Variants in RBFOX1 observed in about 807,000 individuals in gnomAD.
RBFOX1 encodes the protein RNA binding protein fox-1 homolog 1.
In RBFOX1, 8 loss-of-function variants were observed where a neutral mutation model predicts 57.7. The ratio of observed to expected loss-of-function variants is 0.14; its 90% confidence interval spans 0.08 to 0.25. The LOEUF (loss-of-function observed/expected upper bound fraction) is 0.25. Ranked by LOEUF, RBFOX1 falls within the 10% of genes least tolerant of loss-of-function variation. The pLI is 1.00. For missense variants in RBFOX1, 611 were observed against 548.5 expected (o/e 1.11, Z -1.14); for synonymous variants, 326 against 222.4 (o/e 1.47, Z -4.15).
intron 2 of RBFOX1, among the ~76,000 whole-genome samples, chr16:6,488,053 C>T (rs1444358622): frequency 1.3e-5 from 2 of 152,122 alleles, no homozygotes; most frequent in Non-Finnish European, 2.9e-5. Context: ...TCCACGCTTT[C>T]AATCCAATAC....
chr16:7,440,311 A>T (rs1186336515), intron 4 of RBFOX1, among the ~76,000 whole-genome samples: 1 of 152,196 alleles, frequency 6.6e-6, no homozygotes, highest in Non-Finnish European at 1.5e-5. Context: ...CCAGGTAGGT[A>T]TGTGAACTAA....
chr16:7,661,433 C>A (rs2067696528), intron 12 of RBFOX1, among the ~76,000 whole-genome samples: 1 of 152,168 alleles, frequency 6.6e-6, no homozygotes, highest in African/African-American at 2.4e-5. Flanking sequence ...CCTCACCCCA[C>A]CACCCTTTGC....
At chr16:7,522,010 G>A (rs923765114) in intron 5 of RBFOX1, among the ~76,000 whole-genome samples, 4 of 152,144 alleles carry the variant, frequency 2.6e-5, no homozygotes, top group African/African-American at 9.7e-5. Context: ...CCTCTCGTGG[G>A]AATCAATCTC....
At chr16:7,641,827 C>G (rs2062853146) in intron 11 of RBFOX1, among the ~76,000 whole-genome samples, 1 of 152,194 alleles carries the variant, frequency 6.6e-6, no homozygotes, top group Non-Finnish European at 1.5e-5. Context: ...ATAGCCATGA[C>G]TACCTACCTA....
chr16:7,108,771 A>C (rs535680607), intron 4 of RBFOX1, among the ~76,000 whole-genome samples: 1 of 152,326 alleles, frequency 6.6e-6, no homozygotes, highest in African/African-American at 2.4e-5. Flanking sequence ...CCCTGTGCTC[A>C]AAGATGCATG....
chr16:7,429,681 C>A (rs149617235), intron 4 of RBFOX1, among the ~76,000 whole-genome samples: 1 of 152,240 alleles, frequency 6.6e-6, no homozygotes. Flanking sequence ...TGGGACATGG[C>A]AAAGGTAGAT....
At chr16:7,106,836 G>C (rs2063673192) in intron 4 of RBFOX1, among the ~76,000 whole-genome samples, 1 of 151,808 alleles carries the variant, frequency 6.6e-6, no homozygotes, top group Admixed American at 6.6e-5. Flanking sequence ...AGATACACAA[G>C]CAAACAAAAT....
chr16:6,347,250 G>A (rs2085524799), intron 2 of RBFOX1, among the ~76,000 whole-genome samples: 1 of 152,170 alleles, frequency 6.6e-6, no homozygotes, highest in Non-Finnish European at 1.5e-5. Context: ...GGAAGTCATG[G>A]TAATGTAGAC....
At chr16:6,955,855 GC>G (rs1458363305) in intron 3 of RBFOX1, among the ~76,000 whole-genome samples, 1 of 151,956 alleles carries the variant, frequency 6.6e-6, no homozygotes, top group Non-Finnish European at 1.5e-5. Flanking sequence ...ATAGATGCAT[GC>G]CACCATGCTC....
intron 1 of RBFOX1, among the ~76,000 whole-genome samples, chr16:5,282,603 AG>A (rs34685163): frequency 0.32 from 48,850 of 152,060 alleles, 7,867 homozygotes; most frequent in Non-Finnish European, 0.33. Flanking sequence ...ATTATGTTTT[AG>A]CAAAGAGACT....
intron 3 of RBFOX1, chr16:6,704,465 C>T (rs913271597): frequency 6.6e-6 from 1 of 152,316 alleles, no homozygotes; most frequent in Admixed American, 6.5e-5. Flanking sequence ...GGACTTTCCT[C>T]TTCACAGCAG....
rs538386034 is a variant in RBFOX1 at position 5,534,736 on chromosome 16, C to G, written c.259-64166C>G. On this transcript the variant is annotated intron_variant, in intron 2 of 2. Coordinates refer to the RBFOX1 transcript ENST00000585867. Reference sequence around the variant, plus strand: ...TTAACCTTCCCTGGGAACACCTTCACAGACACACCCAGAAACAATACTTCA... The same window carrying G: ...TTAACCTTCCCTGGGAACACCTTCAGAGACACACCCAGAAACAATACTTCA... Among the ~76,000 whole-genome samples, 3 of 152,280 alleles carry G rather than the reference C, an allele frequency of 2.0e-5. No homozygotes were observed. The South Asian group carries it at 6.2e-4, about 32-fold the overall frequency.
intron 1 of RBFOX1, among the ~76,000 whole-genome samples, chr16:5,435,959 T>C (rs900849260): frequency 6.6e-6 from 1 of 152,210 alleles, no homozygotes; most frequent in African/African-American, 2.4e-5. Context: ...CCTTAGGAAT[T>C]TGAAGTCTTT....
chr16:5,695,663 A>C (rs977928788), intron 3 of RBFOX1, among the ~76,000 whole-genome samples: 1 of 152,226 alleles, frequency 6.6e-6, no homozygotes, highest in East Asian at 1.9e-4. Flanking sequence ...TTGGCTGAAA[A>C]GAAAAGAAAT....
Position 7,122,080 on chromosome 16 carries a change from G to A in RBFOX1, c.27+69982G>A, listed in dbSNP as rs368546813. 4.6e-5 allele frequency among the ~76,000 whole-genome samples: 7 copies of A among 152,072 alleles called. No homozygotes were observed. In the East Asian group the frequency reaches 5.8e-4, roughly 13 times the overall value. Reference sequence around the variant, plus strand: ...AAGAACACATGGGTAAAATATTCACGTCCAAAGGAGTTAAAATAAGAATTT... The same window carrying A: ...AAGAACACATGGGTAAAATATTCACATCCAAAGGAGTTAAAATAAGAATTT... On this transcript the variant is annotated intron_variant, in intron 4 of 15. Coordinates refer to ENST00000550418, the MANE Select transcript of RBFOX1 (RefSeq NM_018723.4).
chr16:6,934,513 G>A (rs1379201023), intron 3 of RBFOX1, among the ~76,000 whole-genome samples: 1 of 152,090 alleles, frequency 6.6e-6, no homozygotes. Flanking sequence ...AGAACATGTG[G>A]TATATGTATG....
chr16:7,516,243 A>G (rs2076327698), intron 4 of RBFOX1, among the ~76,000 whole-genome samples: 2 of 152,146 alleles, frequency 1.3e-5, no homozygotes, highest in South Asian at 2.1e-4. Flanking sequence ...GCAAAATCCC[A>G]GGGTGACTGG....
intron 2 of RBFOX1, among the ~76,000 whole-genome samples, chr16:6,595,571 T>C (rs958471931): frequency 1.3e-5 from 2 of 152,206 alleles, no homozygotes; most frequent in South Asian, 4.1e-4. Context: ...CTTGGATATA[T>C]ACCTACAAGT....
chr16:5,729,691 T>C (rs986896876), intron 3 of RBFOX1, among the ~76,000 whole-genome samples: 3 of 152,158 alleles, frequency 2.0e-5, no homozygotes, highest in African/African-American at 7.2e-5. Context: ...GGTATTTGGG[T>C]AGGGCTGTCG....
Sources: gnomAD v4.1 joint callset for allele counts (sites outside exome capture counted in the v4.1 genomes callset) on GRCh38, gnomAD v4.1.1 for gene constraint, MANE v1.5 for transcripts, NCBI Gene and HGNC (gene_info 2026-07-23, HGNC 2026-07-21) for gene names.